Variants in CPEB3 observed in about 807,000 individuals in gnomAD.
The protein encoded by CPEB3 is cytoplasmic polyadenylation element-binding protein 3.
CPEB3 carries 20 observed loss-of-function variants against 67.2 expected under a neutral mutation model. The observed-to-expected ratio is 0.30, with a 90% CI of 0.21 to 0.43. CPEB3 has a LOEUF of 0.43. Among genes scored for constraint, CPEB3 ranks in the 20% least tolerant of loss-of-function variants. The pLI is 1.00. For missense variants in CPEB3, 746 were observed against 968.6 expected (o/e 0.77, Z 3.05); for synonymous variants, 376 against 393.1 (o/e 0.96, Z 0.51).
chr10:92,061,436 A>AAC (rs1842346649), intron 9 of CPEB3, among the ~76,000 whole-genome samples: 1 of 150,360 alleles, frequency 6.7e-6, no homozygotes, highest in Non-Finnish European at 1.5e-5. Flanking sequence ...AAAAAAAAAA[A>AAC]AAAAAAACAT....
intron 2 of CPEB3, among the ~76,000 whole-genome samples, chr10:92,233,025 T>G (rs1051988655): frequency 1.3e-5 from 2 of 152,182 alleles, no homozygotes; most frequent in African/African-American, 2.4e-5. Context: ...AAATAGATAA[T>G]GTGGTTTTGC....
chr10:92,203,949 G>C (rs1849658754), intron 2 of CPEB3, among the ~76,000 whole-genome samples: 1 of 152,044 alleles, frequency 6.6e-6, no homozygotes, highest in Admixed American at 6.6e-5. Context: ...TATTTCTCCA[G>C]GAACCTATAA....
intron 9 of CPEB3, among the ~76,000 whole-genome samples, chr10:92,054,335 A>C (rs1395561825): frequency 6.6e-6 from 1 of 152,164 alleles, no homozygotes; most frequent in Non-Finnish European, 1.5e-5. Flanking sequence ...CAGGAGAAAA[A>C]CTGATGCCAT....
intron 2 of CPEB3, among the ~76,000 whole-genome samples, chr10:92,215,973 C>CT (rs1850360510): frequency 6.7e-6 from 1 of 149,344 alleles, no homozygotes; most frequent in Non-Finnish European, 1.5e-5. Flanking sequence ...TGGTCTCCAT[C>CT]TCCTGACCTC....
intron 6 of CPEB3, among the ~76,000 whole-genome samples, chr10:92,142,048 A>AC (rs1169236688): frequency 7.9e-5 from 12 of 151,700 alleles, no homozygotes; most frequent in Non-Finnish European, 1.8e-4. Context: ...ACAAAAAAAA[A>AC]AAAAACAAAG....
intron 4 of CPEB3, among the ~76,000 whole-genome samples, chr10:92,170,614 G>A (rs900458155): frequency 1.0e-4 from 15 of 143,754 alleles, no homozygotes; most frequent in Non-Finnish European, 2.1e-4. Flanking sequence ...ACTGATGAAA[G>A]AAAGAGAAAA....
intron 9 of CPEB3, among the ~76,000 whole-genome samples, chr10:92,054,211 G>C (rs993132041): frequency 1.3e-5 from 2 of 151,994 alleles, no homozygotes; most frequent in African/African-American, 4.8e-5. Context: ...CAGCTACTCA[G>C]GAGGCTGAGG....
chr10:92,163,387 T>C (rs1434030371), intron 4 of CPEB3, among the ~76,000 whole-genome samples: 1 of 152,122 alleles, frequency 6.6e-6, no homozygotes, highest in South Asian at 2.1e-4. Flanking sequence ...TGAGCCAAGA[T>C]TGAGCCATTG....
intron 1 of CPEB3, among the ~76,000 whole-genome samples, chr10:92,286,113 T>G (rs1174312747): frequency 6.6e-6 from 1 of 151,960 alleles, no homozygotes; most frequent in Admixed American, 6.6e-5. Context: ...TTTTTTGTAT[T>G]TTTAGTAGAG....
At chr10:92,285,675 A>G (rs185605311) in intron 1 of CPEB3, among the ~76,000 whole-genome samples, 29 of 152,314 alleles carry the variant, frequency 1.9e-4, no homozygotes, top group African/African-American at 6.7e-4. Context: ...TCAAGTTATA[A>G]AGGATAACTT....
At chr10:92,240,536 G>A (rs536423038) in intron 1 of CPEB3, among the ~76,000 whole-genome samples, 175 bp from the exon 2 acceptor site, 34 of 152,330 alleles carry the variant, frequency 2.2e-4, no homozygotes, top group African/African-American at 8.2e-4. Context: ...GTGGGGAATA[G>A]GGAAGGTGTC....
intron 4 of CPEB3, among the ~76,000 whole-genome samples, chr10:92,151,786 T>G: frequency 6.6e-6 from 1 of 152,156 alleles, no homozygotes; most frequent in Non-Finnish European, 1.5e-5. Context: ...CCCTCCAAGG[T>G]TAATTCAGCA....
intron 4 of CPEB3, among the ~76,000 whole-genome samples, chr10:92,168,997 T>G (rs1370245443): frequency 6.6e-6 from 1 of 150,652 alleles, no homozygotes; most frequent in Admixed American, 6.6e-5. Flanking sequence ...GGTTTCATCA[T>G]ATTGGTCAGG....
chr10:92,137,269 G>T, intron 6 of CPEB3: 1 of 613,592 alleles, frequency 1.6e-6, no homozygotes, highest in Non-Finnish European at 2.9e-6. Context: ...GGGCACCAAC[G>T]TGCATGCTGA....
chr10:92,131,492 A>G (rs890987499), intron 6 of CPEB3, among the ~76,000 whole-genome samples: 4 of 152,232 alleles, frequency 2.6e-5, no homozygotes. Context: ...GACATAACAT[A>G]TAAGTGAGAA....
intron 4 of CPEB3, among the ~76,000 whole-genome samples, chr10:92,170,393 T>TATC (rs2134013502): frequency 6.6e-6 from 1 of 152,342 alleles, no homozygotes; most frequent in Non-Finnish European, 1.5e-5. Flanking sequence ...AAAATGTATA[T>TATC]ATCAGGCAAG....
In CPEB3 at chr10:92,259,091, T is replaced by C. The variant is rs140524117; in HGVS notation, c.-11-18730A>G. 6.8e-3 allele frequency among the ~76,000 whole-genome samples: 1,037 copies of C among 151,778 alleles called. 9 individuals carry two copies. Among genetic ancestry groups the C allele is most frequent in the African/African-American group, 0.024 (1,000 of 41,432 alleles). ...AATTCTCCTGCCTCAGACTCCTGAG[T>C]AGCAGGGATTACAGGTACACGCCAT... On this transcript the variant is annotated intron_variant, in intron 1 of 9. Transcript: ENST00000265997.
intron 2 of CPEB3, among the ~76,000 whole-genome samples, chr10:92,199,889 A>G (rs1268319207): frequency 1.0e-5 from 1 of 96,138 alleles, no homozygotes; most frequent in Non-Finnish European, 1.9e-5. Flanking sequence ...TTTTTCTCCA[A>G]ACACACAGAG....
At chr10:92,177,861 G>A (rs1352150801) in intron 4 of CPEB3, among the ~76,000 whole-genome samples, 1 of 152,062 alleles carries the variant, frequency 6.6e-6, no homozygotes, top group East Asian at 1.9e-4. Context: ...GACAGGTTTT[G>A]GTGAGGTCAA....
Sources: allele counts gnomAD v4.1 joint callset (sites outside exome capture counted in the v4.1 genomes callset), GRCh38; gene constraint gnomAD v4.1.1; transcripts MANE v1.5; gene names NCBI Gene and HGNC (gene_info 2026-07-23, HGNC 2026-07-21).